Variants in CDH5 observed in about 807,000 individuals in gnomAD.
CDH5 encodes cadherin 5, also known as cadherin-5.
CDH5 carries 28 observed loss-of-function variants against 62.0 expected under a neutral mutation model. The observed-to-expected ratio is 0.45, with a 90% CI of 0.33 to 0.62. The LOEUF (loss-of-function observed/expected upper bound fraction) is 0.62, where lower values mean the gene tolerates loss of function less well. Among genes scored for constraint, CDH5 ranks in the 20% least tolerant of loss-of-function variants. The pLI is 0.02. For synonymous variants in CDH5, 464 were observed against 445.8 expected (o/e 1.04, Z -0.52); for missense variants, 940 against 1,065.1 (o/e 0.88, Z 1.63).
At chr16:66,393,303 T>C (rs919527045) in intron 7 of CDH5, among the ~76,000 whole-genome samples, 4 of 152,236 alleles carry the variant, frequency 2.6e-5, no homozygotes, top group Non-Finnish European at 5.9e-5. Context: ...TGTTTTATTC[T>C]ACTAGCTTGT....
chr16:66,402,603 C>T, intron 11 of CDH5, 49 bp from the exon 12 acceptor site: 1 of 1,473,172 alleles, frequency 6.8e-7, no homozygotes, highest in Non-Finnish European at 9.0e-7. Flanking sequence ...GGGGGGCCGC[C>T]CAGGCCCCCA....
chr16:66,396,797 C>A (rs1243248648), intron 8 of CDH5, among the ~76,000 whole-genome samples: 3 of 152,146 alleles, frequency 2.0e-5, no homozygotes, highest in African/African-American at 7.2e-5. Flanking sequence ...ATCACAATCA[C>A]CCTCCAGGAG....
intron 10 of CDH5, among the ~76,000 whole-genome samples, chr16:66,399,160 G>A (rs1207974583): frequency 6.6e-6 from 1 of 152,226 alleles, no homozygotes; most frequent in Non-Finnish European, 1.5e-5. Flanking sequence ...AGTGAGCTTT[G>A]TTTTAATTCA....
chr16:66,381,735 C>G (rs540912082), intron 2 of CDH5, among the ~76,000 whole-genome samples: 4 of 152,178 alleles, frequency 2.6e-5, no homozygotes, highest in Admixed American at 6.5e-5. Flanking sequence ...CAAACTACCC[C>G]CTGCGGGCCC....
At chr16:66,395,304 A>T (rs1961159614) in intron 7 of CDH5, among the ~76,000 whole-genome samples, 1 of 151,020 alleles carries the variant, frequency 6.6e-6, no homozygotes, top group South Asian at 2.1e-4. Flanking sequence ...ATCTGAGGCA[A>T]ATCTGATTTT....
intron 11 of CDH5, among the ~76,000 whole-genome samples, chr16:66,401,489 C>A (rs1256717180): frequency 6.6e-6 from 1 of 152,206 alleles, no homozygotes; most frequent in Non-Finnish European, 1.5e-5. Context: ...ATTCCTCCGG[C>A]CTTGATACAT....
At chr16:66,378,773 C>T (rs1375900825) in intron 1 of CDH5, among the ~76,000 whole-genome samples, 1 of 152,182 alleles carries the variant, frequency 6.6e-6, no homozygotes, top group Non-Finnish European at 1.5e-5. Flanking sequence ...ATGGTTTCCA[C>T]GTCTATTTTC....
At chr16:66,379,689 T>A in intron 2 of CDH5, 142 bp downstream of exon 2, 1 of 703,230 alleles carries the variant, frequency 1.4e-6, no homozygotes, top group Non-Finnish European at 2.5e-6. Flanking sequence ...GTGAAGGTGG[T>A]AGCAATAGTG....
At chr16:66,382,412 C>A (rs1960913075) in intron 2 of CDH5, among the ~76,000 whole-genome samples, 1 of 152,116 alleles carries the variant, frequency 6.6e-6, no homozygotes, top group Non-Finnish European at 1.5e-5. Context: ...CAGGAGAATG[C>A]CGCCCTAGGA....
At chr16:66,374,188 G>C (rs78731139) in intron 1 of CDH5, among the ~76,000 whole-genome samples, 3 of 152,134 alleles carry the variant, frequency 2.0e-5, no homozygotes, top group Non-Finnish European at 4.4e-5. Context: ...CGTGTGCCTC[G>C]GGGGAGTGCT....
chr16:66,372,100 G>A (rs1217379635), intron 1 of CDH5, among the ~76,000 whole-genome samples: 2 of 152,210 alleles, frequency 1.3e-5, no homozygotes, highest in Non-Finnish European at 2.9e-5. Flanking sequence ...GTGGCTCAGT[G>A]AGAGGCAGGA....
chr16:66,379,064 G>A (rs1333901205), intron 1 of CDH5, among the ~76,000 whole-genome samples: 1 of 152,206 alleles, frequency 6.6e-6, no homozygotes, highest in Non-Finnish European at 1.5e-5. Flanking sequence ...GGCAGAGGGT[G>A]AGGAGTAGGT....
intron 2 of CDH5, among the ~76,000 whole-genome samples, chr16:66,384,991 T>A (rs1003529032): frequency 2.0e-5 from 3 of 151,984 alleles, no homozygotes; most frequent in Non-Finnish European, 4.4e-5. Flanking sequence ...AAAAGCAATG[T>A]TGCACTTCCT....
At chr16:66,395,424 T>A (rs1961161979) in intron 7 of CDH5, 1 of 151,728 alleles carries the variant, frequency 6.6e-6, no homozygotes, top group African/African-American at 2.4e-5. Flanking sequence ...TTGGGGTTTT[T>A]TTCAATGATG....
rs774207481 is a variant in CDH5, at chr16:66,386,878, C to T, written c.280C>T (p.Arg94Trp). 13 of 1,614,024 alleles carry T rather than the reference C, an allele frequency of 8.1e-6. No homozygotes were observed. Among genetic ancestry groups the T allele is most frequent in the Middle Eastern group, 1.6e-4 (1 of 6,082 alleles). ...AGGAGAATATGTGGGCAAGGTCTTC[C>T]GGGTCGATGCAGAGACAGGAGACGT... Reference protein sequence around the residue: ...LKGEYVGKVFRVDAETGDVFA... With the variant: ...LKGEYVGKVFWVDAETGDVFA... Residue 94 changes from arginine (R) to tryptophan (W), a missense_variant, in exon 3 of 12, where the codon CGG becomes TGG. Transcript: ENST00000341529.
At chr16:66,396,606 GT>G (rs33957325) in intron 8 of CDH5, among the ~76,000 whole-genome samples, 108,874 of 152,012 alleles carry the variant, frequency 0.72, 39,196 homozygotes, top group East Asian at 0.81. Flanking sequence ...ATGATTCTTA[GT>G]TATCATGGCT....
chr16:66,404,429 C>T lies in CDH5; in HGVS notation c.*1260C>T, dbSNP rs768534050. 7.9e-5 allele frequency: 12 copies of T among 152,242 alleles called. No individual in the cohort carries two copies. Among genetic ancestry groups the T allele is most frequent in the Non-Finnish European group, 1.6e-4 (11 of 68,040 alleles). 9.4% of individuals were successfully genotyped at this position (152,242 alleles called of 1,614,324 possible). A position where few individuals can be genotyped will look rare whatever the true frequency, so the allele number is the denominator to read the frequency against. ...ACCAAGCTCACCCTTCGTCATGGAC[C>T]GAGGTTCCCACTCTGGGCAAAGCCC... is the stretch of plus-strand genomic sequence containing the variant. On this transcript the variant is annotated 3_prime_UTR_variant, in exon 12 of 12. Transcript: ENST00000341529.
chr16:66,387,808 C>CCTGGGCT (rs778701273), intron 3 of CDH5, among the ~76,000 whole-genome samples: 24 of 152,124 alleles, frequency 1.6e-4, no homozygotes, highest in Non-Finnish European at 3.2e-4. Flanking sequence ...ATGTCACCAG[C>CCTGGGCT]CTGGGCTCTG....
chr16:66,393,875 C>A (rs1413733928), intron 7 of CDH5, among the ~76,000 whole-genome samples: 3 of 152,126 alleles, frequency 2.0e-5, no homozygotes, highest in Non-Finnish European at 4.4e-5. Flanking sequence ...TTATTAAGGA[C>A]AAAATATGTT....
Sources: allele counts gnomAD v4.1 joint callset (sites outside exome capture counted in the v4.1 genomes callset), GRCh38; gene constraint gnomAD v4.1.1; transcripts MANE v1.5; gene names NCBI Gene and HGNC (gene_info 2026-07-23, HGNC 2026-07-21).